EXOC4: variants seen among roughly 807,000 people sequenced by gnomAD.
EXOC4 encodes exocyst complex component 4.
In EXOC4, 71 loss-of-function variants were observed where a neutral mutation model predicts 107.2. The observed-to-expected ratio is 0.66, with a 90% CI of 0.55 to 0.81. The LOEUF (loss-of-function observed/expected upper bound fraction) is 0.81. Ranked by LOEUF, EXOC4 falls within the 30% of genes least tolerant of loss-of-function variation. The pLI is 0.00. For missense variants in EXOC4, 1,108 were observed against 1,189.6 expected (o/e 0.93, Z 1.01); for synonymous variants, 456 against 441.2 (o/e 1.03, Z -0.42).
chr7:133,471,412 CAAAA>C (rs59230142), intron 7 of EXOC4, among the ~76,000 whole-genome samples: 1 of 125,284 alleles, frequency 8.0e-6, no homozygotes. Flanking sequence ...GACTTCATCT[CAAAA>C]AAAAAAAAAA....
At chr7:134,099,002 G>A in the EXOC4 span, among the ~76,000 whole-genome samples, 1 of 152,154 alleles carries the variant, frequency 6.6e-6, no homozygotes, top group Non-Finnish European at 1.5e-5. Context: ...TTTCCAGAAG[G>A]AGATGGCATT....
chr7:133,750,131 A>G (rs552274758), intron 10 of EXOC4, among the ~76,000 whole-genome samples: 5 of 152,002 alleles, frequency 3.3e-5, no homozygotes, highest in African/African-American at 9.6e-5. Context: ...GAGGTTGTAT[A>G]TTAGAATTAT....
chr7:133,785,094 ACTTACCCGT>A (rs974454710), intron 10 of EXOC4, among the ~76,000 whole-genome samples: 3 of 152,182 alleles, frequency 2.0e-5, no homozygotes, highest in Non-Finnish European at 2.9e-5. Context: ...CCCCAGCCTT[ACTTACCCGT>A]CTTCCAGATT....
At chr7:133,964,300 C>T (rs914587278) in intron 14 of EXOC4, among the ~76,000 whole-genome samples, 11 of 151,986 alleles carry the variant, frequency 7.2e-5, no homozygotes, top group Non-Finnish European at 1.5e-4. Context: ...GTTGAAGAAC[C>T]AACCATATTT....
At chr7:133,703,803 G>T (rs747855118) in intron 10 of EXOC4, among the ~76,000 whole-genome samples, 1 of 152,170 alleles carries the variant, frequency 6.6e-6, no homozygotes, top group Non-Finnish European at 1.5e-5. Flanking sequence ...CACCAAAACA[G>T]TGATGTTTTA....
chr7:133,601,024 G>C (rs1325693636), intron 9 of EXOC4, among the ~76,000 whole-genome samples: 1 of 152,228 alleles, frequency 6.6e-6, no homozygotes, highest in Non-Finnish European at 1.5e-5. Flanking sequence ...ATCCTGGGTT[G>C]TCCTGTAAGA....
intron 10 of EXOC4, among the ~76,000 whole-genome samples, chr7:133,713,854 A>G (rs746048669): frequency 6.6e-6 from 1 of 152,134 alleles, no homozygotes; most frequent in Admixed American, 6.5e-5. Flanking sequence ...CGCCCCAAAC[A>G]TGCTGAACTG....
intron 9 of EXOC4, among the ~76,000 whole-genome samples, chr7:133,499,929 C>T (rs917238314): frequency 7.2e-5 from 11 of 152,000 alleles, no homozygotes; most frequent in Admixed American, 5.9e-4. Flanking sequence ...TACCCAGTCT[C>T]GGGTATTTCT....
At chr7:133,426,235 G>A (rs1308825272) in intron 7 of EXOC4, among the ~76,000 whole-genome samples, 1 of 152,160 alleles carries the variant, frequency 6.6e-6, no homozygotes, top group African/African-American at 2.4e-5. Flanking sequence ...TTTAAGGTTG[G>A]TAACATCATG....
intron 5 of EXOC4, among the ~76,000 whole-genome samples, chr7:133,345,210 C>A (rs948856449): frequency 6.6e-6 from 1 of 152,168 alleles, no homozygotes; most frequent in East Asian, 1.9e-4. Flanking sequence ...CTGAGCTACA[C>A]ATACTATCTC....
intron 5 of EXOC4, among the ~76,000 whole-genome samples, chr7:133,353,555 A>G (rs1795958145): frequency 6.6e-6 from 1 of 152,102 alleles, no homozygotes; most frequent in Admixed American, 6.6e-5. Flanking sequence ...AACTTCGCTC[A>G]CTACTTTCAA....
chr7:133,372,595 G>T (rs1340010323), intron 6 of EXOC4, among the ~76,000 whole-genome samples: 1 of 151,530 alleles, frequency 6.6e-6, no homozygotes, highest in Non-Finnish European at 1.5e-5. Context: ...AGCAGCTCTT[G>T]TCCTTGACTG....
chr7:133,561,805 G>A (rs779345565), intron 9 of EXOC4, among the ~76,000 whole-genome samples: 13 of 152,154 alleles, frequency 8.5e-5, no homozygotes, highest in Admixed American at 7.9e-4. Context: ...GTGTGGGTGC[G>A]TGCGCGTGCC....
rs34350149 is a variant in EXOC4, at chr7:133,884,581, CTGTGTGTGTG to C, written c.1735-10987_1735-10978del. The stretch of plus-strand genomic sequence containing the variant: ...CTCTCAGGTGTGCTTGCCCTATGCT[CTGTGTGTGTG>C]TGTGTGTGTGTGTGTGTGTGTGTGT... On this transcript the variant is annotated intron_variant, in intron 11 of 17. Transcript: ENST00000253861. Among the ~76,000 whole-genome samples the C allele has an allele frequency of 8.2e-3, 1,178 of 143,708 alleles. 5 individuals are homozygous for C. Among genetic ancestry groups the C allele is most frequent in the South Asian group, 0.012 (50 of 4,294 alleles). The allele number at this position is 143,708 out of a possible 152,430, so 94.3% of individuals were successfully genotyped here. A position where few individuals can be genotyped will look rare whatever the true frequency, so the allele number is the denominator to read the frequency against.
intron 9 of EXOC4, among the ~76,000 whole-genome samples, chr7:133,482,985 G>A (rs867848893): frequency 2.6e-5 from 4 of 152,276 alleles, no homozygotes; most frequent in South Asian, 2.1e-4. Flanking sequence ...ACATTCTGGG[G>A]TTGTGGCCCC....
At chr7:133,634,082 T>C (rs1585044853) in intron 10 of EXOC4, among the ~76,000 whole-genome samples, 1 of 152,232 alleles carries the variant, frequency 6.6e-6, no homozygotes, top group East Asian at 1.9e-4. Flanking sequence ...CACAGAGCAG[T>C]TTCCCGTTAT....
chr7:133,372,526 C>T (rs1223663098), intron 6 of EXOC4, among the ~76,000 whole-genome samples: 1 of 151,622 alleles, frequency 6.6e-6, no homozygotes, highest in Non-Finnish European at 1.5e-5. Flanking sequence ...TCTCATCTTA[C>T]ACCTCTATTC....
chr7:133,257,368 A>ACG (rs1017574293), intron 1 of EXOC4, among the ~76,000 whole-genome samples: 7 of 140,312 alleles, frequency 5.0e-5, no homozygotes, highest in African/African-American at 2.1e-4. Flanking sequence ...ACACACACGC[A>ACG]CACACACACA....
At chr7:133,912,707 C>T (rs1035930763) in intron 12 of EXOC4, among the ~76,000 whole-genome samples, 2 of 152,078 alleles carry the variant, frequency 1.3e-5, no homozygotes, top group Admixed American at 6.5e-5. Context: ...AAGAAGAAAT[C>T]GACTCTGTCC....
Sources: allele counts gnomAD v4.1 joint callset (sites outside exome capture counted in the v4.1 genomes callset), GRCh38; gene constraint gnomAD v4.1.1; transcripts MANE v1.5; gene names NCBI Gene and HGNC (gene_info 2026-07-23, HGNC 2026-07-21).